Variants in ASAP1 observed in about 807,000 individuals in gnomAD.
The protein encoded by ASAP1 is arf-GAP with SH3 domain, ANK repeat and PH domain-containing protein 1.
Under a neutral mutation model 145.2 loss-of-function variants are expected in ASAP1, and 43 were observed. The ratio of observed to expected loss-of-function variants is 0.30; its 90% CI spans 0.23 to 0.38. The LOEUF is 0.38. Among genes scored for constraint, ASAP1 ranks in the 10% least tolerant of loss-of-function variants. The pLI, the probability that ASAP1 is intolerant of heterozygous loss-of-function variation, is 1.00. For missense variants in ASAP1, 1,018 were observed against 1,355.3 expected, an observed-to-expected ratio of 0.75 and a Z score of 3.91; for synonymous variants, 546 against 515.5, an observed-to-expected ratio of 1.06 and a Z score of -0.80.
At chr8:130,271,388 TC>T (rs1820577996) in intron 3 of ASAP1, among the ~76,000 whole-genome samples, 1 of 152,202 alleles carries the variant, frequency 6.6e-6, no homozygotes, top group Non-Finnish European at 1.5e-5. Context: ...GCCACACAGT[TC>T]CAAGGAATTT....
chr8:130,120,971 G>A (rs2097564876), intron 18 of ASAP1, among the ~76,000 whole-genome samples: 1 of 152,168 alleles, frequency 6.6e-6, no homozygotes, highest in Non-Finnish European at 1.5e-5. Flanking sequence ...CTTAAACCCA[G>A]TCCTCTCTTT....
At chr8:130,170,592 T>C (rs184692332) in intron 9 of ASAP1, among the ~76,000 whole-genome samples, 2 of 152,332 alleles carry the variant, frequency 1.3e-5, no homozygotes, top group East Asian at 3.9e-4. Context: ...AAGGCTGACA[T>C]CTTTGGCAAA....
Position 130,060,931 on chromosome 8 carries a change from G to C in ASAP1, c.2840C>G (p.Ala947Gly). The change falls in exon 28 of 30, where the codon GCC becomes GGC. Residue 947 changes from alanine to glycine, a missense_variant. Coordinates refer to ENST00000518721, the MANE Select transcript of ASAP1 (RefSeq NM_018482.4). The part of the protein sequence containing the change: ...GDLPPKPTEL[A>G]PKPQIGDLPP... The stretch of plus-strand genomic sequence containing the variant: ...CAAATCTCCAATTTGGGGCTTGGGG[G>C]CCAGTTCTGTGGGCTTTGGGGGCAG... The C allele has an allele frequency of 6.2e-7, 1 of 1,610,568 alleles. No homozygotes were observed. The highest frequency in any genetic ancestry group is 1.1e-5 in the South Asian group (1 of 90,694).
chr8:130,318,985 G>A (rs1823839736), intron 3 of ASAP1, among the ~76,000 whole-genome samples: 1 of 152,218 alleles, frequency 6.6e-6, no homozygotes, highest in African/African-American at 2.4e-5. Flanking sequence ...TGCTTTATCT[G>A]AGTAGAAATT....
chr8:130,072,830 C>CGCGCGCGCGCGCGCGCGCG (rs1448184178), intron 27 of ASAP1, among the ~76,000 whole-genome samples: 8 of 31,926 alleles, frequency 2.5e-4, no homozygotes, highest in African/African-American at 6.1e-4. Context: ...TGTGTGCGCG[C>CGCGCGCGCGCGCGCGCGCG]GGGGGGGGGC....
At chr8:130,336,282 G>A (rs1044234441) in intron 3 of ASAP1, among the ~76,000 whole-genome samples, 3 of 152,200 alleles carry the variant, frequency 2.0e-5, no homozygotes, top group Non-Finnish European at 2.9e-5. Context: ...GCGGGAGCAT[G>A]TTTAAGGTTA....
chr8:130,296,271 C>A (rs1586776185), intron 3 of ASAP1, among the ~76,000 whole-genome samples: 1 of 152,294 alleles, frequency 6.6e-6, no homozygotes, highest in Non-Finnish European at 1.5e-5. Flanking sequence ...GGTTGAACAC[C>A]AGAAAAAGTA....
rs141892366 is a variant in ASAP1 at position 130,109,017 on chromosome 8, C to T, written c.2401+3077G>A. ...CTCGAACTCCCGACGTCAGGTGATC[C>T]GGCCACCTCGGTCTCCCAAAGTGTT... is the stretch of plus-strand genomic sequence containing the variant. On this transcript the variant is annotated intron_variant, in intron 24 of 29. Transcript: ENST00000518721. 5.9e-3 allele frequency among the ~76,000 whole-genome samples: 904 copies of T among 152,022 alleles called. 8 individuals carry two copies. Among genetic ancestry groups the T allele is most frequent in the Middle Eastern group, 0.01 (3 of 294 alleles).
chr8:130,139,550 A>C (rs1162020714), intron 13 of ASAP1, among the ~76,000 whole-genome samples: 1 of 151,708 alleles, frequency 6.6e-6, no homozygotes, highest in East Asian at 1.9e-4. Context: ...ACGTGGCGAA[A>C]CCCCGTTGTC....
At chr8:130,062,615 G>A (rs1048328108) in intron 27 of ASAP1, among the ~76,000 whole-genome samples, 1 of 152,172 alleles carries the variant, frequency 6.6e-6, no homozygotes, top group South Asian at 2.1e-4. Context: ...CACTGATGGG[G>A]CAAGAGAAAC....
rs1209088243 is a variant in ASAP1 at position 130,115,660 on chromosome 8, TCTC to T, written c.2137_2139del (p.Glu713del). 2.0e-5 allele frequency: 33 copies of T among 1,614,090 alleles called. No homozygotes were observed. The highest frequency in any genetic ancestry group is 2.6e-5 in the Non-Finnish European group (31 of 1,179,944). On this transcript the variant is annotated inframe_deletion, in exon 23 of 30. Transcript: ENST00000518721. The stretch of plus-strand genomic sequence containing the variant: ...TCCAGATCATCATCGCTCTCATCTA[TCTC>T]CTCCTGTCGAAGATTCCACTCATAT...
At chr8:130,260,809 A>C (rs1463373092) in intron 3 of ASAP1, among the ~76,000 whole-genome samples, 1 of 152,190 alleles carries the variant, frequency 6.6e-6, no homozygotes, top group Non-Finnish European at 1.5e-5. Flanking sequence ...ATACCAGGGC[A>C]CATCCAGCCA....
chr8:130,087,254 T>A (rs2097495509), intron 25 of ASAP1, among the ~76,000 whole-genome samples: 1 of 152,084 alleles, frequency 6.6e-6, no homozygotes, highest in Non-Finnish European at 1.5e-5. Flanking sequence ...GTTCGGTGGC[T>A]CATGACTATA....
chr8:130,425,294 T>C (rs930281789), intron 1 of ASAP1, among the ~76,000 whole-genome samples: 43 of 152,282 alleles, frequency 2.8e-4, no homozygotes, highest in African/African-American at 9.9e-4. Context: ...ATTGTGCCAC[T>C]GCACTCCAGC....
chr8:130,363,707 T>A (rs939853108), intron 2 of ASAP1, among the ~76,000 whole-genome samples: 1 of 152,252 alleles, frequency 6.6e-6, no homozygotes, highest in African/African-American at 2.4e-5. Flanking sequence ...TGCAAGTTAA[T>A]GTCCCTGAGC....
At chr8:130,274,782 T>C (rs1376955918) in intron 3 of ASAP1, among the ~76,000 whole-genome samples, 1 of 152,242 alleles carries the variant, frequency 6.6e-6, no homozygotes, top group East Asian at 1.9e-4. Context: ...TTCTCTGGCA[T>C]AGAATCTTGA....
intron 25 of ASAP1, among the ~76,000 whole-genome samples, chr8:130,087,892 T>A (rs1201517408): frequency 6.6e-6 from 1 of 152,128 alleles, no homozygotes; most frequent in East Asian, 1.9e-4. Flanking sequence ...ACATCTTCTC[T>A]GAAGACTAGA....
chr8:130,196,976 G>C (rs1336410878), intron 5 of ASAP1, among the ~76,000 whole-genome samples: 1 of 152,206 alleles, frequency 6.6e-6, no homozygotes, highest in Non-Finnish European at 1.5e-5. Flanking sequence ...TCGTCATTAG[G>C]CTGCTTTCCA....
At chr8:130,106,658 T>G (rs1302115217) in intron 24 of ASAP1, among the ~76,000 whole-genome samples, 8 of 152,252 alleles carry the variant, frequency 5.3e-5, no homozygotes, top group African/African-American at 1.9e-4. Context: ...CTGCTGTTGT[T>G]TATGCATCTG....
Sources: gnomAD v4.1 joint callset for allele counts (sites outside exome capture counted in the v4.1 genomes callset) on GRCh38, gnomAD v4.1.1 for gene constraint, MANE v1.5 for transcripts, NCBI Gene and HGNC (gene_info 2026-07-23, HGNC 2026-07-21) for gene names.